Variants in SNTG1 observed in about 807,000 individuals in gnomAD.
The protein encoded by SNTG1 is syntrophin gamma 1, also known as gamma-1-syntrophin.
In SNTG1, 39 loss-of-function variants were observed where a neutral mutation model predicts 74.7. The observed-to-expected ratio is 0.52, with a 90% confidence interval of 0.40 to 0.68. SNTG1 has a LOEUF of 0.68. Ranked by LOEUF, SNTG1 falls within the 30% of genes least tolerant of loss-of-function variation. The pLI is 0.00. For synonymous variants in SNTG1, 254 were observed against 217.1 expected, an observed-to-expected ratio of 1.17 and a Z score of -1.49; for missense variants, 685 against 609.5, an observed-to-expected ratio of 1.12 and a Z score of -1.30.
At chr8:50,245,797 T>C (rs1385250464) in intron 2 of SNTG1, among the ~76,000 whole-genome samples, 1 of 152,184 alleles carries the variant, frequency 6.6e-6, no homozygotes, top group African/African-American at 2.4e-5. Context: ...CTCAACTTTC[T>C]TATATGTCAG....
At chr8:50,318,939 C>A (rs2090421395) in intron 2 of SNTG1, among the ~76,000 whole-genome samples, 1 of 151,362 alleles carries the variant, frequency 6.6e-6, no homozygotes, top group African/African-American at 2.4e-5. Flanking sequence ...TATATGTGTT[C>A]TACCTGTGTA....
intron 9 of SNTG1, among the ~76,000 whole-genome samples, chr8:50,514,141 A>C (rs2094111317): frequency 6.6e-6 from 1 of 151,996 alleles, no homozygotes. Flanking sequence ...AATATTGTTG[A>C]TCTTTTCAAT....
intron 4 of SNTG1, among the ~76,000 whole-genome samples, chr8:50,433,297 T>G (rs1325093258): frequency 6.6e-6 from 1 of 152,154 alleles, no homozygotes. Flanking sequence ...AAAACAAAGA[T>G]AGTCCTCTAT....
At chr8:50,152,124 C>A (rs1586498372) in intron 1 of SNTG1, among the ~76,000 whole-genome samples, 1 of 151,658 alleles carries the variant, frequency 6.6e-6, no homozygotes, top group Admixed American at 6.6e-5. Context: ...TTTAAGATAA[C>A]TCTTCTTGTC....
intron 2 of SNTG1, among the ~76,000 whole-genome samples, chr8:50,350,706 C>T (rs1283937786): frequency 6.6e-6 from 1 of 152,206 alleles, no homozygotes; most frequent in Non-Finnish European, 1.5e-5. Flanking sequence ...TATCTAGCTA[C>T]TCTGGTGGGG....
At chr8:50,719,942 G>T (rs1000429415) in intron 17 of SNTG1, among the ~76,000 whole-genome samples, 1 of 152,074 alleles carries the variant, frequency 6.6e-6, no homozygotes, top group Non-Finnish European at 1.5e-5. Context: ...TATAGTTGAT[G>T]AAATATATTT....
chr8:50,659,077 A>G (rs2095202620), intron 15 of SNTG1, among the ~76,000 whole-genome samples: 1 of 152,202 alleles, frequency 6.6e-6, no homozygotes, highest in South Asian at 2.1e-4. Flanking sequence ...TAGAAAATAT[A>G]GAAAATATCA....
intron 2 of SNTG1, among the ~76,000 whole-genome samples, chr8:50,197,566 T>G (rs1234737610): frequency 6.6e-6 from 1 of 152,186 alleles, no homozygotes; most frequent in Non-Finnish European, 1.5e-5. Context: ...ATACTTTCCC[T>G]TGTGTGAGAA....
At chr8:50,384,471 A>T (rs2092541490) in intron 2 of SNTG1, among the ~76,000 whole-genome samples, 1 of 152,204 alleles carries the variant, frequency 6.6e-6, no homozygotes, top group Admixed American at 6.5e-5. Flanking sequence ...TAAGCACAAC[A>T]TGCTGACCTT....
At chr8:50,146,437 G>A (rs2081868768) in intron 1 of SNTG1, among the ~76,000 whole-genome samples, 1 of 152,160 alleles carries the variant, frequency 6.6e-6, no homozygotes, top group African/African-American at 2.4e-5. Context: ...AGAATCGCTG[G>A]TACCTGGGAG....
rs923182832 is a variant in SNTG1 at position 50,688,574 on chromosome 8, C to T, written c.1039-16026C>T. 4.0e-3 allele frequency among the ~76,000 whole-genome samples: 611 copies of T among 152,132 alleles called. 6 individuals are homozygous for T. The highest frequency in any genetic ancestry group is 0.012 in the African/African-American group (494 of 41,506). On this transcript the variant is annotated intron_variant, in intron 15 of 18. Coordinates refer to ENST00000642720, the MANE Select transcript of SNTG1 (RefSeq NM_018967.5). Reference sequence around the variant, plus strand: ...CAAAGATCAGATAATTGTAGATATGCGGCATTATTTCTGAGGGCTCTGTTC... The same window carrying T: ...CAAAGATCAGATAATTGTAGATATGTGGCATTATTTCTGAGGGCTCTGTTC...
chr8:50,262,401 T>C (rs886331028), intron 2 of SNTG1, among the ~76,000 whole-genome samples: 2 of 151,900 alleles, frequency 1.3e-5, no homozygotes, highest in African/African-American at 4.8e-5. Context: ...CAAACCAACA[T>C]CTGTTTTTTT....
chr8:50,103,338 C>T (rs1436220553), intron 1 of SNTG1, among the ~76,000 whole-genome samples: 7 of 152,118 alleles, frequency 4.6e-5, no homozygotes, highest in Non-Finnish European at 1.0e-4. Context: ...AATAGGAGTT[C>T]ACTCATGATT....
chr8:50,299,690 G>C (rs1490714309), intron 2 of SNTG1, among the ~76,000 whole-genome samples: 1 of 152,094 alleles, frequency 6.6e-6, no homozygotes, highest in African/African-American at 2.4e-5. Flanking sequence ...CATTATTAGA[G>C]AGGGATTTTA....
chr8:50,173,916 A>G (rs2082898573), intron 2 of SNTG1, among the ~76,000 whole-genome samples: 1 of 152,096 alleles, frequency 6.6e-6, no homozygotes, highest in Admixed American at 6.5e-5. Flanking sequence ...GGTTTGTTGC[A>G]CCTATCAACC....
chr8:50,363,668 A>G (rs943706161), intron 2 of SNTG1, among the ~76,000 whole-genome samples: 1 of 152,146 alleles, frequency 6.6e-6, no homozygotes, highest in Admixed American at 6.5e-5. Context: ...TTGAATACAA[A>G]CACTTTTTTT....
chr8:50,602,707 C>T (rs1161829699), intron 13 of SNTG1, among the ~76,000 whole-genome samples: 1 of 152,080 alleles, frequency 6.6e-6, no homozygotes, highest in East Asian at 1.9e-4. Flanking sequence ...GATGAAATCC[C>T]TAAGCTTTTG....
intron 17 of SNTG1, among the ~76,000 whole-genome samples, chr8:50,712,560 T>G (rs1406418090): frequency 1.3e-5 from 2 of 152,166 alleles, no homozygotes; most frequent in Non-Finnish European, 2.9e-5. Flanking sequence ...CATAGGTATA[T>G]ATGTGCCATG....
intron 1 of SNTG1, among the ~76,000 whole-genome samples, chr8:50,074,739 C>G (rs1821678836): frequency 1.3e-5 from 2 of 152,306 alleles, no homozygotes; most frequent in Admixed American, 1.3e-4. Flanking sequence ...CCTCCTTGGC[C>G]TAGGTGCCCA....
Sources: gnomAD v4.1 joint callset for allele counts (sites outside exome capture counted in the v4.1 genomes callset) on GRCh38, gnomAD v4.1.1 for gene constraint, MANE v1.5 for transcripts, NCBI Gene and HGNC (gene_info 2026-07-23, HGNC 2026-07-21) for gene names.